The following SSH2 variants were observed in gnomAD, a reference collection of about 807,000 sequenced individuals.
SSH2 encodes the protein slingshot protein phosphatase 2.
SSH2 carries 37 observed loss-of-function variants against 135.2 expected under a neutral mutation model. That is an observed-to-expected ratio of 0.27 (90% CI 0.21 to 0.36). The LOEUF (loss-of-function observed/expected upper bound fraction) is 0.36, where lower values mean the gene tolerates loss of function less well. Among genes scored for constraint, SSH2 ranks in the 10% least tolerant of loss-of-function variants. SSH2 has a pLI of 1.00. For missense variants in SSH2, 1,408 were observed against 1,765.3 expected, an observed-to-expected ratio of 0.80 and a Z score of 3.63; for synonymous variants, 628 against 646.2, an observed-to-expected ratio of 0.97 and a Z score of 0.43.
At chr17:29,890,629 G>A (rs2066330736) in intron 1 of SSH2, among the ~76,000 whole-genome samples, 1 of 152,196 alleles carries the variant, frequency 6.6e-6, no homozygotes, top group Admixed American at 6.5e-5. Flanking sequence ...GAGGTGAGGT[G>A]TTGGGTGGGA....
chr17:29,739,445 G>A (rs886933414), intron 3 of SSH2, among the ~76,000 whole-genome samples: 9 of 152,162 alleles, frequency 5.9e-5, no homozygotes, highest in African/African-American at 1.9e-4. Context: ...TAGACTAGAG[G>A]ATAAGGACAA....
rs185235338 is a variant in SSH2 at position 29,780,850 on chromosome 17, T to C, written c.188+13044A>G. 2.7e-4 allele frequency among the ~76,000 whole-genome samples: 41 copies of C among 152,148 alleles called. No homozygotes were observed. The East Asian group carries it at 6.4e-3, about 24-fold the overall frequency. ...TATTTTTGAGAGGAGTCTCGCTCTG[T>C]CGCCCAGGCTGGAGTGCAGTGGCAC... On this transcript the variant is annotated intron_variant, in intron 3 of 15. Coordinates refer to ENST00000540801, the MANE Select transcript of SSH2 (RefSeq NM_001282129.2).
chr17:29,818,239 G>A (rs927592825), intron 2 of SSH2, among the ~76,000 whole-genome samples: 14 of 149,640 alleles, frequency 9.4e-5, no homozygotes, highest in Non-Finnish European at 1.9e-4. Flanking sequence ...ATCTACCATG[G>A]GTATTCTTCC....
chr17:29,720,057 C>T (rs2151165036), intron 3 of SSH2, among the ~76,000 whole-genome samples: 1 of 152,356 alleles, frequency 6.6e-6, no homozygotes, highest in South Asian at 2.1e-4. Flanking sequence ...CTGTACCTGG[C>T]CTACAGGCCT....
At chr17:29,882,747 A>G (rs1478575369) in intron 1 of SSH2, among the ~76,000 whole-genome samples, 1 of 152,132 alleles carries the variant, frequency 6.6e-6, no homozygotes, top group Admixed American at 6.5e-5. Flanking sequence ...GCAAAACTCC[A>G]TCTCAAAAAT....
At chr17:29,669,540 C>T (rs2151039244) in intron 9 of SSH2, among the ~76,000 whole-genome samples, 1 of 152,264 alleles carries the variant, frequency 6.6e-6, no homozygotes, top group South Asian at 2.1e-4. Flanking sequence ...CACAAATCTG[C>T]TTTTTCCTCC....
At chr17:29,767,682 C>T (rs1359409892) in intron 3 of SSH2, among the ~76,000 whole-genome samples, 1 of 151,732 alleles carries the variant, frequency 6.6e-6, no homozygotes, top group African/African-American at 2.4e-5. Flanking sequence ...CTTGCATTTC[C>T]CCCTACTTAT....
chr17:29,635,792 A>G (rs1023595353), intron 15 of SSH2, among the ~76,000 whole-genome samples, 176 bp downstream of exon 15: 1 of 152,176 alleles, frequency 6.6e-6, no homozygotes, highest in African/African-American at 2.4e-5. Flanking sequence ...AGTGCTTCCA[A>G]TGACACCAGA....
chr17:29,680,455 G>A (rs2037925873), intron 6 of SSH2, among the ~76,000 whole-genome samples: 1 of 145,756 alleles, frequency 6.9e-6, no homozygotes, highest in Admixed American at 7.3e-5. Flanking sequence ...GGAGGCTGAG[G>A]CAGGAGAATC....
chr17:29,671,444 T>G (rs972880410), intron 9 of SSH2, among the ~76,000 whole-genome samples: 2 of 152,106 alleles, frequency 1.3e-5, no homozygotes, highest in African/African-American at 4.8e-5. Context: ...ATTGTGCCAC[T>G]GCACTCCAGC....
intron 14 of SSH2, chr17:29,645,023 C>A (rs553799026): frequency 6.6e-6 from 1 of 152,262 alleles, no homozygotes; most frequent in South Asian, 2.1e-4. Flanking sequence ...TGGAATATGT[C>A]TGTGGGTGGC....
chr17:29,681,116 G>A (rs1257753441), intron 6 of SSH2, among the ~76,000 whole-genome samples: 4 of 151,686 alleles, frequency 2.6e-5, no homozygotes, highest in Non-Finnish European at 4.4e-5. Flanking sequence ...AGAGGCGGGC[G>A]GATCACGAGG....
At chr17:29,796,757 A>T (rs1029851406) in intron 2 of SSH2, among the ~76,000 whole-genome samples, 2 of 151,838 alleles carry the variant, frequency 1.3e-5, no homozygotes, top group African/African-American at 2.4e-5. Context: ...TCTGCCTTTA[A>T]ATGCATAATA....
At chr17:29,686,166 G>GT (rs755105579) in intron 5 of SSH2, among the ~76,000 whole-genome samples, 28 of 151,882 alleles carry the variant, frequency 1.8e-4, no homozygotes, top group Admixed American at 3.3e-4. Context: ...GTTCAAAAAG[G>GT]TATCTTATAA....
intron 3 of SSH2, among the ~76,000 whole-genome samples, chr17:29,763,465 CTG>C (rs2041369519): frequency 6.6e-6 from 1 of 150,410 alleles, no homozygotes; most frequent in East Asian, 1.9e-4. Flanking sequence ...TTCTTCCAGA[CTG>C]TAATTTATTA....
At chr17:29,687,261 T>A (rs1174882295) in intron 5 of SSH2, among the ~76,000 whole-genome samples, 15 of 152,168 alleles carry the variant, frequency 9.9e-5, no homozygotes, top group African/African-American at 3.6e-4. Context: ...ATGGCTATCT[T>A]TTTGTCTCTA....
intron 3 of SSH2, among the ~76,000 whole-genome samples, chr17:29,704,335 C>A (rs1041910229): frequency 6.6e-6 from 1 of 152,146 alleles, no homozygotes; most frequent in African/African-American, 2.4e-5. Context: ...GTGTGTTTAA[C>A]CTACTTGAGT....
At chr17:29,719,843 G>A (rs535460957) in intron 3 of SSH2, among the ~76,000 whole-genome samples, 3 of 152,194 alleles carry the variant, frequency 2.0e-5, no homozygotes, top group Admixed American at 6.5e-5. Flanking sequence ...TGCAACCTCC[G>A]CCTCCTGGGT....
At chr17:29,647,577 A>G (rs1441216625) in intron 14 of SSH2, 1 of 152,318 alleles carries the variant, frequency 6.6e-6, no homozygotes, top group African/African-American at 2.4e-5. Flanking sequence ...TTAATCTTCC[A>G]TACTACTCTT....
Sources: gnomAD v4.1 joint callset for allele counts (sites outside exome capture counted in the v4.1 genomes callset) on GRCh38, gnomAD v4.1.1 for gene constraint, MANE v1.5 for transcripts, NCBI Gene and HGNC (gene_info 2026-07-23, HGNC 2026-07-21) for gene names.